The following ZFP62 variants were observed in gnomAD, a reference collection of about 807,000 sequenced individuals.
ZFP62 encodes the protein ZFP62 zinc finger protein.
Under a neutral mutation model 56.4 loss-of-function variants are expected in ZFP62, and 44 were observed. The ratio of observed to expected loss-of-function variants is 0.78; its 90% CI spans 0.61 to 1.00. ZFP62 has a LOEUF of 1.00. ZFP62 is among the 50% of genes least tolerant of loss of function. The pLI is 0.00. For synonymous variants in ZFP62, 421 were observed against 388.9 expected, an observed-to-expected ratio of 1.08 and a Z score of -0.97; for missense variants, 1,030 against 1,085.7, an observed-to-expected ratio of 0.95 and a Z score of 0.72.
chr5:180,858,395 A>G (rs1339721288), intron 1 of ZFP62, among the ~76,000 whole-genome samples: 2 of 151,990 alleles, frequency 1.3e-5, no homozygotes, highest in East Asian at 1.9e-4. Flanking sequence ...ACTTGAGGCT[A>G]GGAGTTCAAA....
rs1773563896 is a variant in ZFP62 at position 180,849,514 on chromosome 5, T to C, written c.1981A>G (p.Lys661Glu). Reference sequence around the variant, plus strand: ...CCAGTATGGATTCTTTTATGAACTTTAAGGCTTGAGTTGTTTCTGAAGACC... The same window carrying C: ...CCAGTATGGATTCTTTTATGAACTTCAAGGCTTGAGTTGTTTCTGAAGACC... ...EKVFRNNSSLKVHKRIHTGER... is the reference protein window; with the variant it reads ...EKVFRNNSSLEVHKRIHTGER... Residue 661 changes from lysine (K) to glutamate (E), a missense_variant, in exon 2 of 2, where the codon AAA becomes GAA. Transcript: ENST00000502412. 2 of 1,552,134 alleles carry C rather than the reference T, an allele frequency of 1.3e-6. No homozygotes were observed. The highest frequency in any genetic ancestry group is 2.0e-5 in the Admixed American group (1 of 50,980).
chr5:180,847,604 C>T (rs1057051210), downstream of ZFP62: 4 of 985,320 alleles, frequency 4.1e-6, no homozygotes, highest in African/African-American at 5.2e-5. Context: ...TCTAAACTCA[C>T]AGCCCGTTTT....
chr5:180,843,815 T>C (rs138375741), downstream of ZFP62, among the ~76,000 whole-genome samples: 1,387 of 152,376 alleles, frequency 9.1e-3, 5 homozygotes, highest in Non-Finnish European at 0.014. Flanking sequence ...AGAACATGCA[T>C]TCTTTTCAAG....
intron 1 of ZFP62, among the ~76,000 whole-genome samples, chr5:180,856,489 T>G (rs764408835): frequency 2.5e-4 from 38 of 152,142 alleles, no homozygotes; most frequent in Non-Finnish European, 2.1e-4. Flanking sequence ...AGGGTATCAG[T>G]TATTTCTGAG....
Position 180,849,511 on chromosome 5 carries a change from C to CT in ZFP62, c.1983dup (p.Val662SerfsTer3). 1.9e-6 allele frequency: 3 copies of CT among 1,552,108 alleles called. No individual in the cohort carries two copies. The highest frequency in any genetic ancestry group is 2.6e-6 in the Non-Finnish European group (3 of 1,147,106). Reference sequence around the variant, plus strand: ...TCCCCAGTATGGATTCTTTTATGAACTTTAAGGCTTGAGTTGTTTCTGAAG... The same window carrying CT: ...TCCCCAGTATGGATTCTTTTATGAACTTTTAAGGCTTGAGTTGTTTCTGAAG... On this transcript the variant is annotated frameshift_variant, in exon 2 of 2. Transcript: ENST00000502412. LOFTEE classifies it high-confidence loss of function.
chr5:180,847,538 T>C, downstream of ZFP62: 1 of 961,702 alleles, frequency 1.0e-6, no homozygotes, highest in Non-Finnish European at 1.2e-6. Flanking sequence ...GGTTTGGATC[T>C]GGTATAACTT....
At chr5:180,839,222 AG>A in the ZFP62 span, among the ~76,000 whole-genome samples, 1 of 152,230 alleles carries the variant, frequency 6.6e-6, no homozygotes, top group African/African-American at 2.4e-5. Flanking sequence ...ACTCATATAA[AG>A]GCCTGGTATA....
At chr5:180,841,838 G>T in the ZFP62 span, among the ~76,000 whole-genome samples, 11 of 152,316 alleles carry the variant, frequency 7.2e-5, no homozygotes, top group Admixed American at 1.3e-4. Context: ...CAGATCACTT[G>T]AGGTCAGGAG....
At chr5:180,853,095 C>A (rs528656867) in intron 1 of ZFP62, among the ~76,000 whole-genome samples, 7 of 152,288 alleles carry the variant, frequency 4.6e-5, no homozygotes, top group African/African-American at 1.4e-4. Context: ...TGAAGATACA[C>A]CTCCAACAAT....
In ZFP62 at chr5:180,847,742, T is replaced by G. The variant is rs1773461904; in HGVS notation, c.*1050A>C. 1.0e-6 allele frequency: 1 copy of G among 985,362 alleles called. No homozygotes were observed. Among genetic ancestry groups the G allele is most frequent in the African/African-American group, 1.7e-5 (1 of 57,256 alleles). 61.0% of individuals were successfully genotyped at this position (985,362 alleles called of 1,614,324 possible). ...TTTTACAACAGACAACATATACATG[T>G]CCTGCATGACATCTTTACAATAACA... is the stretch of plus-strand genomic sequence containing the variant. On this transcript the variant is annotated 3_prime_UTR_variant, in exon 2 of 2. Coordinates refer to ENST00000502412, the MANE Select transcript of ZFP62 (RefSeq NM_001172638.2).
chr5:180,856,918 A>G (rs975494399), intron 1 of ZFP62, among the ~76,000 whole-genome samples: 3 of 137,440 alleles, frequency 2.2e-5, no homozygotes, highest in African/African-American at 8.4e-5. Flanking sequence ...GTGCCACTGC[A>G]CTCCAGCCTG....
chr5:180,849,604 G>A lies in ZFP62; in HGVS notation c.1891C>T (p.Leu631Phe), dbSNP rs1461608177. 6.4e-7 allele frequency: 1 copy of A among 1,551,922 alleles called. No individual in the cohort carries two copies. The highest frequency in any genetic ancestry group is 1.4e-5 in the African/African-American group (1 of 73,100). Residue 631 changes from leucine to phenylalanine, a missense_variant, in exon 2 of 2, where the codon CTC becomes TTC. Physicochemically the swap from Leu to Phe is conservative, Grantham distance 22. Transcript: ENST00000502412. The stretch of plus-strand genomic sequence containing the variant: ...TGGACCCTTCTGTGCTGAGAAAGGA[G>A]CGATGTGTAATTAAAAGATTTCTCA... The part of the protein sequence containing the change: ...VCEKSFNYTS[L>F]LSQHRRVHTR...
intron 1 of ZFP62, among the ~76,000 whole-genome samples, chr5:180,859,778 C>T (rs1332056478): frequency 6.6e-6 from 1 of 152,182 alleles, no homozygotes; most frequent in African/African-American, 2.4e-5. Context: ...CTTATTTGTT[C>T]TTTAAACACT....
chr5:180,826,924 A>G, the ZFP62 span, among the ~76,000 whole-genome samples: 1 of 152,234 alleles, frequency 6.6e-6, no homozygotes, highest in East Asian at 1.9e-4. Flanking sequence ...GCTTTAAAAC[A>G]GGCCAAAGCA....
At chr5:180,831,405 T>G in the ZFP62 span, 4 of 150,896 alleles carry the variant, frequency 2.7e-5, no homozygotes, top group African/African-American at 9.8e-5. Flanking sequence ...AGCTTCCTGG[T>G]TTCGGCCATG....
At chr5:180,852,247 T>A (rs2113690848) in intron 1 of ZFP62, among the ~76,000 whole-genome samples, 1 of 152,252 alleles carries the variant, frequency 6.6e-6, no homozygotes, top group South Asian at 2.1e-4. Flanking sequence ...GTAACAACTA[T>A]GAAGCCATAT....
chr5:180,832,957 G>C, the ZFP62 span: 2 of 152,348 alleles, frequency 1.3e-5, no homozygotes, highest in Non-Finnish European at 2.9e-5. Flanking sequence ...AGTGTGGCTG[G>C]GGGTGGGGGT....
the ZFP62 span, among the ~76,000 whole-genome samples, chr5:180,833,495 AAAG>A: frequency 9.1e-4 from 137 of 150,800 alleles, no homozygotes; most frequent in African/African-American, 3.0e-3. Flanking sequence ...AAAAAAAAAA[AAAG>A]AGAACAGAGA....
chr5:180,843,601 A>G (rs911397366), downstream of ZFP62, among the ~76,000 whole-genome samples: 8 of 152,352 alleles, frequency 5.3e-5, no homozygotes, highest in Admixed American at 1.3e-4. Context: ...GGTTTACTTC[A>G]TAAAATTTCA....
Sources: allele counts gnomAD v4.1 joint callset (sites outside exome capture counted in the v4.1 genomes callset), GRCh38; gene constraint gnomAD v4.1.1; transcripts MANE v1.5; gene names NCBI Gene and HGNC (gene_info 2026-07-23, HGNC 2026-07-21).